FAM184B: variants seen among roughly 807,000 people sequenced by gnomAD.
FAM184B encodes the protein family with sequence similarity 184 member B.
FAM184B carries 111 observed loss-of-function variants against 135.9 expected under a neutral mutation model. The observed-to-expected ratio is 0.82, with a 90% CI of 0.70 to 0.96. FAM184B has a LOEUF of 0.96. Among genes scored for constraint, FAM184B ranks in the 40% least tolerant of loss-of-function variants. FAM184B has a pLI of 0.00. For missense variants in FAM184B, 1,375 were observed against 1,323.9 expected, an observed-to-expected ratio of 1.04 and a Z score of -0.60; for synonymous variants, 552 against 524.8, an observed-to-expected ratio of 1.05 and a Z score of -0.71.
At position 17,642,072 on chromosome 4, in the gene FAM184B, G is replaced by C; in HGVS notation, c.2503C>G (p.Leu835Val). The C allele has an allele frequency of 6.5e-7, 1 of 1,531,356 alleles. No homozygotes were observed. The highest frequency in any genetic ancestry group is 8.7e-7 in the Non-Finnish European group (1 of 1,144,920). The allele number at this position is 1,531,356 out of a possible 1,614,324, so 94.9% of individuals were successfully genotyped here. Residue 835 changes from leucine to valine, a missense_variant, in exon 13 of 18, where the codon CTC becomes GTC. Transcript: ENST00000265018. ...VEQHQQEAQK[L>V]RDQRRFLEET... ...GTCACCCACCTGCGCTGGTCTCGGA[G>C]CTTCTGCGCCTCCTGCTGATGCTGC... is the stretch of plus-strand genomic sequence containing the variant.
chr4:17,708,981 C>T lies in FAM184B; in HGVS notation c.805G>A (p.Val269Ile), dbSNP rs781755839. 6.4e-7 allele frequency: 1 copy of T among 1,550,808 alleles called. No individual in the cohort carries two copies. ...QVQESALQAQ[V>I]RKLEGDLEHR... is the part of the protein sequence containing the mutation. ...TCCAGGTCTCCTTCCAGCTTCCGGA[C>T]CTGAGCCTGCAGGGCTGACTCCTGG... Residue 269 changes from valine (V) to isoleucine (I), a missense_variant, in exon 2 of 18, where the codon GTC (valine) becomes ATC (isoleucine). Physicochemically the swap from Val to Ile is conservative, Grantham distance 29 (BLOSUM62 3). Coordinates refer to ENST00000265018, the MANE Select transcript of FAM184B (RefSeq NM_015688.2).
intron 14 of FAM184B, 21 bp from the exon 15 acceptor site, chr4:17,636,666 G>T: frequency 6.6e-7 from 1 of 1,521,120 alleles, no homozygotes. Flanking sequence ...CAGGCATGCA[G>T]TCAAGTCCCC....
At position 17,709,351 on chromosome 4, in the gene FAM184B, G is replaced by C; in HGVS notation, c.435C>G (p.Leu145=). Residue 145 remains leucine, a synonymous_variant, in exon 2 of 18, where the codon CTC becomes CTG. Coordinates refer to ENST00000265018, the MANE Select transcript of FAM184B (RefSeq NM_015688.2). Reference sequence around the variant, plus strand: ...GCTCCAGCATTTCCCTGGAGAGCGTGAGGACTCGCTCGGCGTGCTCTGCCT... The same window carrying C: ...GCTCCAGCATTTCCCTGGAGAGCGTCAGGACTCGCTCGGCGTGCTCTGCCT... The part of the protein sequence containing the change: ...RVEAEHAERV[L]TLSREMLELK... 6.5e-7 allele frequency: 1 copy of C among 1,549,050 alleles called. No individual in the cohort carries two copies. The highest frequency in any genetic ancestry group is 8.7e-7 in the Non-Finnish European group (1 of 1,145,332).
chr4:17,770,304 C>T (rs999609999), intron 1 of FAM184B, among the ~76,000 whole-genome samples: 34 of 152,258 alleles, frequency 2.2e-4, no homozygotes, highest in Non-Finnish European at 4.4e-4. Context: ...AAGGCCAGTG[C>T]GGGCGTCATA....
chr4:17,684,163 T>A (rs1195522543), intron 7 of FAM184B, among the ~76,000 whole-genome samples: 1 of 144,864 alleles, frequency 6.9e-6, no homozygotes, highest in Non-Finnish European at 1.5e-5. Flanking sequence ...TAATAAAATA[T>A]AATATAAAAT....
chr4:17,779,385 G>A (rs1718991161), intron 1 of FAM184B, among the ~76,000 whole-genome samples: 2 of 152,236 alleles, frequency 1.3e-5, no homozygotes, highest in South Asian at 2.1e-4. Context: ...GTAAACAGAC[G>A]CACTACATAA....
At chr4:17,696,649 G>A (rs540318068) in intron 5 of FAM184B, among the ~76,000 whole-genome samples, 37 of 152,096 alleles carry the variant, frequency 2.4e-4, no homozygotes, top group African/African-American at 7.7e-4. Flanking sequence ...CTATCTCTAC[G>A]AAATTTTTAA....
At chr4:17,647,516 C>G in intron 12 of FAM184B, 121 bp downstream of exon 12, 1 of 1,275,038 alleles carries the variant, frequency 7.8e-7, no homozygotes, top group Non-Finnish European at 1.1e-6. Flanking sequence ...TCCCAAAGTG[C>G]TAGATTCCAA....
intron 6 of FAM184B, among the ~76,000 whole-genome samples, chr4:17,690,543 A>G (rs141661521): frequency 5.9e-5 from 9 of 152,316 alleles, no homozygotes; most frequent in African/African-American, 1.7e-4. Context: ...AGAAAGATCC[A>G]TGGCAACGCT....
In FAM184B at chr4:17,775,645, A is replaced by G. The variant is rs151186800; in HGVS notation, c.141+5514T>C. On this transcript the variant is annotated intron_variant, in intron 1 of 17. Coordinates refer to ENST00000265018, the MANE Select transcript of FAM184B (RefSeq NM_015688.2). ...ATTTTTCTGGTCGGTATAGAATCCAATCTAGGACAGGCACTGCATTTAGTT... is the reference window on the plus strand; with the variant it reads ...ATTTTTCTGGTCGGTATAGAATCCAGTCTAGGACAGGCACTGCATTTAGTT... Among the ~76,000 whole-genome samples the G allele has an allele frequency of 3.5e-3, 536 of 152,318 alleles. 8 individuals are homozygous for G. The highest frequency in any genetic ancestry group is 0.012 in the African/African-American group (505 of 41,560).
intron 7 of FAM184B, among the ~76,000 whole-genome samples, chr4:17,672,544 T>C (rs1716202908): frequency 6.6e-6 from 1 of 152,312 alleles, no homozygotes; most frequent in Non-Finnish European, 1.5e-5. Context: ...CGCATTGAGG[T>C]ATGTCCTTTG....
intron 13 of FAM184B, among the ~76,000 whole-genome samples, chr4:17,640,946 T>C (rs900160104): frequency 6.6e-6 from 1 of 152,134 alleles, no homozygotes; most frequent in Non-Finnish European, 1.5e-5. Flanking sequence ...GTTTGTTTTG[T>C]TTTTTGAGAC....
intron 1 of FAM184B, among the ~76,000 whole-genome samples, chr4:17,772,404 G>T (rs1000284407): frequency 1.3e-5 from 2 of 152,116 alleles, no homozygotes; most frequent in African/African-American, 4.8e-5. Context: ...TGGAGACACA[G>T]TCCTCATGGT....
intron 1 of FAM184B, among the ~76,000 whole-genome samples, chr4:17,757,783 A>T (rs1231532395): frequency 2.0e-5 from 3 of 150,588 alleles, no homozygotes; most frequent in Non-Finnish European, 4.4e-5. Flanking sequence ...CTTTCAGAGT[A>T]CAGAATTTGT....
intron 7 of FAM184B, among the ~76,000 whole-genome samples, chr4:17,683,242 C>T (rs1716489174): frequency 6.6e-6 from 1 of 152,196 alleles, no homozygotes; most frequent in African/African-American, 2.4e-5. Context: ...GGTGGGGGCA[C>T]AGAGCAGAAC....
At chr4:17,678,804 C>T (rs1012483141) in intron 7 of FAM184B, among the ~76,000 whole-genome samples, 1 of 152,170 alleles carries the variant, frequency 6.6e-6, no homozygotes, top group Non-Finnish European at 1.5e-5. Flanking sequence ...GTCACTAAAA[C>T]AGCATGGTAC....
chr4:17,746,390 C>A (rs1718163136), intron 1 of FAM184B, among the ~76,000 whole-genome samples: 2 of 152,196 alleles, frequency 1.3e-5, no homozygotes, highest in South Asian at 4.2e-4. Flanking sequence ...GCCAATGGTT[C>A]TTCTACTTCA....
intron 1 of FAM184B, among the ~76,000 whole-genome samples, chr4:17,720,792 G>A (rs1036790984): frequency 2.4e-4 from 36 of 150,406 alleles, no homozygotes; most frequent in East Asian, 9.8e-4. Context: ...AGGCTGAGGC[G>A]GAAGAATCGC....
rs1210029270 is a variant in FAM184B, at chr4:17,705,210, T to C, written c.1171-4A>G. ...CAGCACTTGCCTCTTTCTTGGTCTA[T>C]AAAAAGAAAAAGGACCTTGTAAAAC... On this transcript the variant is annotated splice_polypyrimidine_tract_variant and splice_region_variant and intron_variant, in intron 4 of 17. Coordinates refer to ENST00000265018, the MANE Select transcript of FAM184B (RefSeq NM_015688.2). 1 of 1,549,336 alleles carries C rather than the reference T, an allele frequency of 6.5e-7. No homozygotes were observed. Among genetic ancestry groups the C allele is most frequent in the African/African-American group, 1.4e-5 (1 of 72,764 alleles).
Sources: allele counts gnomAD v4.1 joint callset (sites outside exome capture counted in the v4.1 genomes callset), GRCh38; gene constraint gnomAD v4.1.1; transcripts MANE v1.5; gene names NCBI Gene and HGNC (gene_info 2026-07-23, HGNC 2026-07-21).